The following LONRF1 variants were observed in gnomAD, a reference collection of about 807,000 sequenced individuals.
The protein encoded by LONRF1 is LON peptidase N-terminal domain and RING finger protein 1.
A neutral mutation model predicts 85.8 loss-of-function variants in LONRF1; 37 were observed. The ratio of observed to expected loss-of-function variants is 0.43; its 90% CI spans 0.33 to 0.57. The LOEUF (loss-of-function observed/expected upper bound fraction) is 0.57. Among genes scored for constraint, LONRF1 ranks in the 20% least tolerant of loss-of-function variants. LONRF1 has a pLI of 0.04. For synonymous variants in LONRF1, 517 were observed against 390.1 expected (o/e 1.33, Z -3.83); for missense variants, 1,036 against 978.0 (o/e 1.06, Z -0.79).
At position 12,743,286 on chromosome 8, in the gene LONRF1, A is replaced by C; in HGVS notation, c.722-4T>G. The C allele has an allele frequency of 6.8e-7, 1 of 1,469,374 alleles. No homozygotes were observed. The highest frequency in any genetic ancestry group is 9.5e-7 in the Non-Finnish European group (1 of 1,054,394). 91.0% of individuals were successfully genotyped at this position (1,469,374 alleles called of 1,614,324 possible). A position where few individuals can be genotyped will look rare whatever the true frequency, so the allele number is the denominator to read the frequency against. ...TTTACAATCAAGTCACTGGGTTCTGAAATAAATATTTTATAAGGATATGAT... is the reference window on the plus strand; with the variant it reads ...TTTACAATCAAGTCACTGGGTTCTGCAATAAATATTTTATAAGGATATGAT... On this transcript the variant is annotated splice_polypyrimidine_tract_variant and splice_region_variant and intron_variant, in intron 1 of 11. Coordinates refer to ENST00000398246, the MANE Select transcript of LONRF1 (RefSeq NM_152271.5).
chr8:12,738,930 A>G (rs1331331067), intron 3 of LONRF1, among the ~76,000 whole-genome samples: 1 of 152,194 alleles, frequency 6.6e-6, no homozygotes, highest in Non-Finnish European at 1.5e-5. Flanking sequence ...TTTCAAATAC[A>G]CAAAAATCAA....
In LONRF1 at chr8:12,755,199, C is replaced by T. The variant is rs1355679212; in HGVS notation, c.222G>A (p.Ala74=). 6 of 1,286,682 alleles carry T rather than the reference C, an allele frequency of 4.7e-6. No individual in the cohort carries two copies. The South Asian group carries it at 1.5e-4, about 33-fold the overall frequency. The allele number at this position is 1,286,682 out of a possible 1,614,324, so 79.7% of individuals were successfully genotyped here. ...LKGALEAFAA[A]LRRGAPARPE... is the part of the protein sequence containing the mutation. ...GCCTGGCCGGGGCCCCGCGGCGCAG[C>T]GCCGCCGCGAACGCCTCCAGCGCGC... The change falls in exon 1 of 12, where the codon GCG becomes GCA. Residue 74 remains alanine, a synonymous_variant. Coordinates refer to ENST00000398246, the MANE Select transcript of LONRF1 (RefSeq NM_152271.5).
chr8:12,728,154 C>A (rs1194854942), intron 10 of LONRF1, among the ~76,000 whole-genome samples: 1 of 152,138 alleles, frequency 6.6e-6, no homozygotes, highest in Non-Finnish European at 1.5e-5. Context: ...TTTTATAATG[C>A]CTTTCCAAAA....
At chr8:12,743,824 C>T (rs1384988199) in intron 1 of LONRF1, among the ~76,000 whole-genome samples, 1 of 149,430 alleles carries the variant, frequency 6.7e-6, no homozygotes, top group African/African-American at 2.5e-5. Context: ...TTTAAGAGAT[C>T]GAATTTTAAT....
chr8:12,731,132 C>A (rs1418039977), intron 8 of LONRF1, among the ~76,000 whole-genome samples: 1 of 152,152 alleles, frequency 6.6e-6, no homozygotes, highest in African/African-American at 2.4e-5. Context: ...CCTGGCCCTG[C>A]CTACCCAGCT....
intron 2 of LONRF1, among the ~76,000 whole-genome samples, chr8:12,741,979 G>C (rs563019402): frequency 3.2e-4 from 48 of 152,298 alleles, no homozygotes; most frequent in Non-Finnish European, 6.0e-4. Flanking sequence ...TATGTGATTA[G>C]AATGAAACAG....
chr8:12,731,824 G>T lies in LONRF1; in HGVS notation c.1600C>A (p.Leu534Met), dbSNP rs781022612. Residue 534 changes from leucine to methionine, a missense_variant, in exon 8 of 12, where the codon CTG becomes ATG. Around this residue, in one of 3 missense-constraint regions of LONRF1, gnomAD observed 265 missense variants for 301.5 expected, o/e 0.88. Coordinates refer to ENST00000398246, the MANE Select transcript of LONRF1 (RefSeq NM_152271.5). ...TACTTCACTATTAATTCTTCCAACA[G>T]CTGTGTGACACAGTACCTCCTATCT... ...LADRRYCVTQLLEELIVKYLP... is the reference protein window; with the variant it reads ...LADRRYCVTQMLEELIVKYLP... The T allele has an allele frequency of 6.2e-7, 1 of 1,612,680 alleles. No homozygotes were observed. The highest frequency in any genetic ancestry group is 1.3e-5 in the African/African-American group (1 of 74,954).
intron 7 of LONRF1, among the ~76,000 whole-genome samples, chr8:12,733,053 GC>G (rs1301224581): frequency 3.3e-5 from 5 of 152,108 alleles, no homozygotes; most frequent in African/African-American, 1.2e-4. Context: ...AGACTACTGA[GC>G]CCCACGCCAG....
chr8:12,727,215 A>G (rs1449139161), intron 10 of LONRF1: 1 of 149,022 alleles, frequency 6.7e-6, no homozygotes, highest in Admixed American at 6.8e-5. Flanking sequence ...GATAACAATT[A>G]TAAGCGTCAG....
intron 1 of LONRF1, 107 bp downstream of exon 1, chr8:12,754,585 AGCGGCCCC>A (rs1193814338): frequency 2.7e-6 from 3 of 1,111,576 alleles, no homozygotes; most frequent in Non-Finnish European, 3.3e-6. Flanking sequence ...CCAGCGGCCC[AGCGGCCCC>A]GGGGAAGCAG....
chr8:12,737,917 G>A lies in LONRF1; in HGVS notation c.1113+78C>T. 2.7e-6 allele frequency: 4 copies of A among 1,456,314 alleles called. No individual in the cohort carries two copies. In the South Asian group the frequency reaches 5.6e-5, roughly 21 times the overall value. 90.2% of individuals were successfully genotyped at this position (1,456,314 alleles called of 1,614,324 possible). On this transcript the variant is annotated intron_variant, in intron 4 of 11. Coordinates refer to ENST00000398246, the MANE Select transcript of LONRF1 (RefSeq NM_152271.5). ...AGTACTTAAGTAGGTGCTAGTACTT[G>A]AAACTAGGAAAGTGAAGCTCTTAAC...
At position 12,736,799 on chromosome 8, in the gene LONRF1, T is replaced by C. The variant is rs763509643; in HGVS notation, c.1355-2A>G. ...ACATACAGACTTCATTGGGAGTTTC[T>C]ATTAAAACAAAGACATGGGGTTTTC... is the stretch of plus-strand genomic sequence containing the variant. On this transcript the variant is annotated splice_acceptor_variant, in intron 5 of 11. Transcript: ENST00000398246. LOFTEE classifies it high-confidence loss of function. 8.7e-6 allele frequency: 14 copies of C among 1,600,624 alleles called. No homozygotes were observed. Among genetic ancestry groups the C allele is most frequent in the Non-Finnish European group, 1.2e-5 (14 of 1,174,516 alleles).
At chr8:12,725,621 C>G (rs879893595) in intron 11 of LONRF1, 106 bp downstream of exon 11, 10 of 1,181,288 alleles carry the variant, frequency 8.5e-6, no homozygotes, top group Non-Finnish European at 2.4e-6. Context: ...AGGGGACAGT[C>G]AAAGAAAAAG....
intron 1 of LONRF1, chr8:12,754,459 G>A (rs1371278106): frequency 3.5e-5 from 13 of 373,454 alleles, no homozygotes; most frequent in South Asian, 1.3e-4. Flanking sequence ...ACCCCGCGCC[G>A]AGCGCCCCTC....
chr8:12,725,295 G>T (rs1798249340), intron 11 of LONRF1, among the ~76,000 whole-genome samples: 1 of 152,208 alleles, frequency 6.6e-6, no homozygotes, highest in Non-Finnish European at 1.5e-5. Context: ...GAGATACAAA[G>T]AAAGGTGAGA....
Position 12,755,358 on chromosome 8 carries a change from C to A in LONRF1, c.63G>T (p.Pro21=). Residue 21 remains proline (P), a synonymous_variant, in exon 1 of 12, where the codon CCG becomes CCT. Transcript: ENST00000398246. ...CTTCCCAGAACCGGCCTCGGCCCTG[C>A]GGCGCTGGGGCCATCTCCCGACTCC... is the stretch of plus-strand genomic sequence containing the variant. ...PGGSREMAPA[P]QGRGRFWEVG... 2 of 1,221,508 alleles carry A rather than the reference C, an allele frequency of 1.6e-6. No individual in the cohort carries two copies. Among genetic ancestry groups the A allele is most frequent in the South Asian group, 2.9e-5 (1 of 34,742 alleles). 75.7% of individuals were successfully genotyped at this position (1,221,508 alleles called of 1,614,324 possible). A position where few individuals can be genotyped will look rare whatever the true frequency, so the allele number is the denominator to read the frequency against.
intron 1 of LONRF1, chr8:12,753,014 T>TA (rs1339134006): frequency 6.6e-6 from 1 of 152,236 alleles, no homozygotes; most frequent in Non-Finnish European, 1.5e-5. Flanking sequence ...TTCCTCGCTT[T>TA]AAAAATCACA....
At chr8:12,748,627 C>T (rs369805997) in intron 1 of LONRF1, among the ~76,000 whole-genome samples, 4 of 152,096 alleles carry the variant, frequency 2.6e-5, no homozygotes, top group African/African-American at 9.7e-5. Context: ...AAAATAGCAT[C>T]GTAATTTTAA....
intron 8 of LONRF1, among the ~76,000 whole-genome samples, chr8:12,729,953 G>A (rs564551000): frequency 2.1e-4 from 32 of 152,288 alleles, no homozygotes; most frequent in Non-Finnish European, 4.1e-4. Context: ...CAGCATGGGG[G>A]CACTCTGAAA....
Sources: allele counts gnomAD v4.1 joint callset (sites outside exome capture counted in the v4.1 genomes callset), GRCh38; gene constraint gnomAD v4.1.1; regional missense constraint gnomAD v4.1.1; transcripts MANE v1.5; gene names NCBI Gene and HGNC (gene_info 2026-07-23, HGNC 2026-07-21).